The following ANXA10 variants were observed in gnomAD, a reference collection of about 807,000 sequenced individuals.
ANXA10 encodes annexin 14.
ANXA10 carries 49 observed loss-of-function variants against 53.5 expected under a neutral mutation model. That is an observed-to-expected ratio of 0.92 (90% CI 0.73 to 1.16). The LOEUF (loss-of-function observed/expected upper bound fraction) is 1.16. Among genes scored for constraint, ANXA10 ranks in the 50% most tolerant of loss-of-function variants. The probability of loss-of-function intolerance (pLI) is 0.00; values close to 1 mark genes in which losing one functional copy is unlikely to be tolerated. For synonymous variants in ANXA10, 131 were observed against 128.9 expected, an observed-to-expected ratio of 1.02 and a Z score of -0.11; for missense variants, 393 against 394.4, an observed-to-expected ratio of 1.00 and a Z score of 0.03.
intron 1 of ANXA10, among the ~76,000 whole-genome samples, chr4:168,107,691 G>A (rs988926571): frequency 4.6e-5 from 7 of 152,128 alleles, no homozygotes; most frequent in African/African-American, 1.7e-4. Flanking sequence ...TGTCTGCGGA[G>A]GGCCCTCTTC....
At chr4:168,176,164 A>G (rs1011849250) in intron 6 of ANXA10, among the ~76,000 whole-genome samples, 2 of 152,120 alleles carry the variant, frequency 1.3e-5, no homozygotes, top group African/African-American at 4.8e-5. Flanking sequence ...AGATCAAGAT[A>G]TTGCCTGCAT....
At position 168,112,069 on chromosome 4, in the gene ANXA10, G is replaced by A. The variant is rs553456910; in HGVS notation, c.19-16015G>A. 9.2e-5 allele frequency among the ~76,000 whole-genome samples: 14 copies of A among 152,240 alleles called. No individual in the cohort carries two copies. The South Asian group carries it at 1.2e-3, about 14-fold the overall frequency. On this transcript the variant is annotated intron_variant, in intron 1 of 11. Coordinates refer to ENST00000359299, the MANE Select transcript of ANXA10 (RefSeq NM_007193.5). ...CACACTCTGGGAGGCCAAGGCAGGCGGATCACTTGAGGCCAGCAGTTCAAC... is the reference window on the plus strand; with the variant it reads ...CACACTCTGGGAGGCCAAGGCAGGCAGATCACTTGAGGCCAGCAGTTCAAC...
At chr4:168,164,380 C>T in intron 5 of ANXA10, 92 bp downstream of exon 5, 1 of 949,792 alleles carries the variant, frequency 1.1e-6, no homozygotes, top group Non-Finnish European at 1.6e-6. Flanking sequence ...GAAGAATTAT[C>T]TAAGACATTC....
At chr4:168,142,732 G>A (rs967163540) in intron 3 of ANXA10, among the ~76,000 whole-genome samples, 6 of 152,150 alleles carry the variant, frequency 3.9e-5, no homozygotes, top group African/African-American at 1.4e-4. Context: ...CATTGTAAAG[G>A]TGCATCTAAC....
At chr4:168,131,956 C>T (rs6854725) in intron 2 of ANXA10, among the ~76,000 whole-genome samples, 8,708 of 151,982 alleles carry the variant, frequency 0.057, 809 homozygotes, top group African/African-American at 0.2. Flanking sequence ...TGAGTTTTAT[C>T]CAAAAGACAG....
At chr4:168,127,995 A>G in intron 1 of ANXA10, 89 bp from the exon 2 acceptor site, 2 of 1,198,770 alleles carry the variant, frequency 1.7e-6, no homozygotes, top group South Asian at 2.6e-5. Flanking sequence ...AAGTGCAGAG[A>G]TTACAGGTAT....
chr4:168,126,036 C>T (rs1731062759), intron 1 of ANXA10, among the ~76,000 whole-genome samples: 1 of 152,022 alleles, frequency 6.6e-6, no homozygotes, highest in Admixed American at 6.6e-5. Context: ...AATCTTAATA[C>T]ATACAGATAC....
intron 2 of ANXA10, among the ~76,000 whole-genome samples, chr4:168,137,209 T>G (rs983176104): frequency 3.9e-5 from 6 of 152,214 alleles, no homozygotes; most frequent in Admixed American, 3.9e-4. Flanking sequence ...TTTAGTGGAG[T>G]AAGAGCTGAT....
intron 2 of ANXA10, among the ~76,000 whole-genome samples, chr4:168,137,310 G>T (rs903403284): frequency 6.6e-6 from 1 of 152,104 alleles, no homozygotes; most frequent in Non-Finnish European, 1.5e-5. Flanking sequence ...TAAGGGGTAC[G>T]AGTGCAGATT....
At chr4:168,113,263 C>A (rs894808326) in intron 1 of ANXA10, 7 of 152,578 alleles carry the variant, frequency 4.6e-5, no homozygotes, top group African/African-American at 1.7e-4. Flanking sequence ...GATCAAGGTG[C>A]TCTCACTTGG....
At chr4:168,102,195 G>T (rs1009424982) in intron 1 of ANXA10, among the ~76,000 whole-genome samples, 1 of 152,000 alleles carries the variant, frequency 6.6e-6, no homozygotes, top group Non-Finnish European at 1.5e-5. Context: ...AGATTTATTT[G>T]TTATATAAAT....
At chr4:168,145,095 G>C (rs1731385394) in intron 3 of ANXA10, among the ~76,000 whole-genome samples, 1 of 152,166 alleles carries the variant, frequency 6.6e-6, no homozygotes, top group South Asian at 2.1e-4. Flanking sequence ...CTCCTCCACT[G>C]AGTCAGTTGC....
At chr4:168,141,027 T>G (rs914078898) in intron 3 of ANXA10, among the ~76,000 whole-genome samples, 2 of 152,198 alleles carry the variant, frequency 1.3e-5, no homozygotes, top group Admixed American at 6.5e-5. Context: ...TTTATCAAGC[T>G]CTACAAAACT....
chr4:168,152,185 A>G (rs1001542580), intron 3 of ANXA10, among the ~76,000 whole-genome samples: 5 of 152,212 alleles, frequency 3.3e-5, no homozygotes, highest in African/African-American at 1.2e-4. Context: ...TAAGAAATAC[A>G]GGAAGTGTGG....
chr4:168,124,801 A>G (rs1579210873), intron 1 of ANXA10, among the ~76,000 whole-genome samples: 1 of 152,346 alleles, frequency 6.6e-6, no homozygotes, highest in Non-Finnish European at 1.5e-5. Flanking sequence ...TGTTTTGGGC[A>G]TTAAGGATTT....
chr4:168,167,196 G>A (rs1477929371), intron 6 of ANXA10, among the ~76,000 whole-genome samples: 1 of 152,006 alleles, frequency 6.6e-6, no homozygotes, highest in East Asian at 1.9e-4. Context: ...ATCTGAAGAG[G>A]TGCTATGGAG....
chr4:168,144,754 T>A (rs188883184), intron 3 of ANXA10, among the ~76,000 whole-genome samples: 2 of 152,272 alleles, frequency 1.3e-5, no homozygotes, highest in East Asian at 3.9e-4. Flanking sequence ...TGAACCAGAA[T>A]TGAGTTTGAA....
chr4:168,179,313 G>C lies in ANXA10; in HGVS notation c.724+1G>C. 6.3e-7 allele frequency: 1 copy of C among 1,592,378 alleles called. No individual in the cohort carries two copies. Among genetic ancestry groups the C allele is most frequent in the Non-Finnish European group, 8.6e-7 (1 of 1,162,466 alleles). On this transcript the variant is annotated splice_donor_variant, in intron 9 of 11. Transcript: ENST00000359299. LOFTEE classifies it high-confidence loss of function. ...TTTCAGGAGCTGCTGGTTGCAATTG[G>C]TAAGTAATAAATTATTTGAAGCACA...
intron 2 of ANXA10, among the ~76,000 whole-genome samples, chr4:168,128,915 G>A (rs1731115977): frequency 6.6e-6 from 1 of 151,784 alleles, no homozygotes. Flanking sequence ...GAGAGAAGAA[G>A]GGAGGACAAT....
Sources: gnomAD v4.1 joint callset for allele counts (sites outside exome capture counted in the v4.1 genomes callset) on GRCh38, gnomAD v4.1.1 for gene constraint, MANE v1.5 for transcripts, NCBI Gene and HGNC (gene_info 2026-07-23, HGNC 2026-07-21) for gene names.